Variants in GNG12 observed in about 807,000 individuals in gnomAD.
The protein encoded by GNG12 is G protein subunit gamma 12, also known as guanine nucleotide-binding protein G(I)/G(S)/G(O) subunit gamma-12.
For missense variants in GNG12, 69 were observed against 83.8 expected (o/e 0.82, Z 0.69); for synonymous variants, 28 against 29.7 (o/e 0.94, Z 0.19).
chr1:67,766,309 T>C (rs1646639070), intron 2 of GNG12, among the ~76,000 whole-genome samples: 1 of 152,170 alleles, frequency 6.6e-6, no homozygotes, highest in Non-Finnish European at 1.5e-5. Flanking sequence ...TGGCTCGCAT[T>C]TCACCGAAAG....
chr1:67,817,703 G>A (rs1646960636), intron 1 of GNG12, among the ~76,000 whole-genome samples: 1 of 152,086 alleles, frequency 6.6e-6, no homozygotes, highest in African/African-American at 2.4e-5. Flanking sequence ...GAAAGGGAAG[G>A]CAGCAGGTGC....
chr1:67,778,743 C>T (rs1570540632), intron 1 of GNG12, among the ~76,000 whole-genome samples: 2 of 152,242 alleles, frequency 1.3e-5, no homozygotes. Context: ...AAGTCGTTTG[C>T]CTCCAGAGTC....
chr1:67,763,030 A>G (rs1307753741), intron 2 of GNG12, among the ~76,000 whole-genome samples: 1 of 150,506 alleles, frequency 6.6e-6, no homozygotes, highest in African/African-American at 2.4e-5. Context: ...GTCGCAAAGC[A>G]CCCAGATTTG....
intron 1 of GNG12, among the ~76,000 whole-genome samples, chr1:67,810,296 C>T (rs1646917613): frequency 6.6e-6 from 1 of 152,184 alleles, no homozygotes; most frequent in African/African-American, 2.4e-5. Context: ...ACTTTTAGGA[C>T]AGCGAAACTA....
At chr1:67,781,176 G>A (rs530755847) in intron 1 of GNG12, among the ~76,000 whole-genome samples, 1 of 152,292 alleles carries the variant, frequency 6.6e-6, no homozygotes, top group African/African-American at 2.4e-5. Flanking sequence ...CTACCCACTT[G>A]CAGATAAATG....
chr1:67,724,556 A>ATT (rs755147856), intron 2 of GNG12, among the ~76,000 whole-genome samples: 5 of 152,062 alleles, frequency 3.3e-5, no homozygotes, highest in Non-Finnish European at 5.9e-5. Context: ...AGCCCGGCTA[A>ATT]TTTTTGTATT....
intron 1 of GNG12, among the ~76,000 whole-genome samples, chr1:67,798,778 A>C (rs942067926): frequency 7.9e-5 from 12 of 152,142 alleles, no homozygotes; most frequent in African/African-American, 2.9e-4. Flanking sequence ...ACATAGTGAA[A>C]GCCCGTCTCT....
At chr1:67,790,461 C>T (rs996718211) in intron 1 of GNG12, among the ~76,000 whole-genome samples, 3 of 152,206 alleles carry the variant, frequency 2.0e-5, no homozygotes, top group Non-Finnish European at 4.4e-5. Context: ...TTAAAGGCAG[C>T]TCAGGGCATT....
At chr1:67,792,516 C>T (rs1402991728) in intron 1 of GNG12, among the ~76,000 whole-genome samples, 1 of 152,178 alleles carries the variant, frequency 6.6e-6, no homozygotes, top group Non-Finnish European at 1.5e-5. Flanking sequence ...CTCATGGCTA[C>T]ATTCTGAATT....
Position 67,710,076 on chromosome 1 carries a change from TTATA to T in GNG12, c.-26-2368_-26-2365del, listed in dbSNP as rs61024882. ...TATATATATATAGTTATATATATAG[TTATA>T]TATATATAGTTATATATATAGTTAT... is the stretch of plus-strand genomic sequence containing the variant. On this transcript the variant is annotated intron_variant, in intron 2 of 3. Coordinates refer to ENST00000370982, the MANE Select transcript of GNG12 (RefSeq NM_018841.6). Among the ~76,000 whole-genome samples the T allele has an allele frequency of 5.0e-4, 9 of 17,992 alleles. 1 individual carries two copies. Among genetic ancestry groups the T allele is most frequent in the African/African-American group, 1.5e-3 (7 of 4,536 alleles). 11.8% of individuals were successfully genotyped at this position (17,992 alleles called of 152,430 possible). A position where few individuals can be genotyped will look rare whatever the true frequency, so the allele number is the denominator to read the frequency against.
chr1:67,762,693 C>G (rs1646612777), intron 2 of GNG12, among the ~76,000 whole-genome samples: 1 of 151,846 alleles, frequency 6.6e-6, no homozygotes, highest in African/African-American at 2.4e-5. Context: ...AGTTTTTTTC[C>G]CTAATTTTTT....
intron 1 of GNG12, among the ~76,000 whole-genome samples, chr1:67,795,717 G>A (rs1646827530): frequency 1.3e-5 from 2 of 152,178 alleles, no homozygotes; most frequent in Non-Finnish European, 2.9e-5. Flanking sequence ...CAAATATCCA[G>A]TATTTGGATG....
chr1:67,766,129 CA>C (rs1646636907), intron 2 of GNG12, among the ~76,000 whole-genome samples: 2 of 151,414 alleles, frequency 1.3e-5, no homozygotes, highest in African/African-American at 4.9e-5. Context: ...CACACACACA[CA>C]CACACACACA....
At chr1:67,796,654 T>C (rs1397150068) in intron 1 of GNG12, among the ~76,000 whole-genome samples, 1 of 152,214 alleles carries the variant, frequency 6.6e-6, no homozygotes, top group Non-Finnish European at 1.5e-5. Flanking sequence ...ATAAGTATTA[T>C]AATTATCAGT....
chr1:67,818,710 C>A (rs891732428), intron 1 of GNG12, among the ~76,000 whole-genome samples: 3 of 151,984 alleles, frequency 2.0e-5, no homozygotes, highest in Non-Finnish European at 4.4e-5. Flanking sequence ...GCTTGTTCTA[C>A]AAAGGAAAGA....
rs1034646978 is a variant in GNG12, at chr1:67,703,634, G to A, written c.*1817C>T. The A allele has an allele frequency of 6.6e-6, 1 of 152,176 alleles. No individual in the cohort carries two copies. Among genetic ancestry groups the A allele is most frequent in the Non-Finnish European group, 1.5e-5 (1 of 68,028 alleles). The allele number at this position is 152,176 out of a possible 1,614,324, so 9.4% of individuals were successfully genotyped here. ...AAACAGGTACCTATAATTGATTTGG[G>A]AACTGGGCATATCGCAGAACGAAAA... On this transcript the variant is annotated 3_prime_UTR_variant, in exon 4 of 4. Transcript: ENST00000370982.
intron 1 of GNG12, among the ~76,000 whole-genome samples, chr1:67,807,655 A>T (rs1015286997): frequency 1.3e-5 from 2 of 152,088 alleles, no homozygotes; most frequent in Non-Finnish European, 2.9e-5. Flanking sequence ...TCCCATATAC[A>T]TTAAAAGGCT....
At chr1:67,800,237 C>T (rs1646856920) in intron 1 of GNG12, among the ~76,000 whole-genome samples, 1 of 152,114 alleles carries the variant, frequency 6.6e-6, no homozygotes, top group African/African-American at 2.4e-5. Context: ...TTACATTATA[C>T]AATATTGAAA....
At chr1:67,812,347 T>G (rs1463523466) in intron 1 of GNG12, among the ~76,000 whole-genome samples, 1 of 152,172 alleles carries the variant, frequency 6.6e-6, no homozygotes, top group African/African-American at 2.4e-5. Context: ...TCTCCTAATC[T>G]GAGAGAGGGT....
Sources: gnomAD v4.1 joint callset for allele counts (sites outside exome capture counted in the v4.1 genomes callset) on GRCh38, gnomAD v4.1.1 for gene constraint, MANE v1.5 for transcripts, NCBI Gene and HGNC (gene_info 2026-07-23, HGNC 2026-07-21) for gene names.